ACBD6: variants seen among roughly 807,000 people sequenced by gnomAD.
ACBD6 encodes acyl-CoA-binding domain-containing protein 6.
In ACBD6, 28 loss-of-function variants were observed where a neutral mutation model predicts 37.2. The ratio of observed to expected loss-of-function variants is 0.75; its 90% CI spans 0.56 to 1.03. The LOEUF is 1.03. ACBD6 is among the 50% of genes least tolerant of loss of function. The pLI is 0.00. For synonymous variants in ACBD6, 113 were observed against 126.8 expected (o/e 0.89, Z 0.73); for missense variants, 340 against 337.4 (o/e 1.01, Z -0.06).
intron 5 of ACBD6, among the ~76,000 whole-genome samples, chr1:180,410,783 A>G (rs141210923): frequency 3.2e-4 from 49 of 152,372 alleles, no homozygotes; most frequent in African/African-American, 1.1e-3. Context: ...CTAACACAAC[A>G]TTCATTTTGC....
intron 12 of ACBD6, chr1:180,273,190 G>C (rs1026499072): frequency 6.6e-6 from 1 of 152,416 alleles, no homozygotes; most frequent in African/African-American, 2.4e-5. Context: ...TTGTGGGACA[G>C]AGGATGGAAC....
intron 4 of ACBD6, among the ~76,000 whole-genome samples, chr1:180,428,784 A>AT (rs1648699954): frequency 6.6e-6 from 1 of 152,202 alleles, no homozygotes; most frequent in African/African-American, 2.4e-5. Flanking sequence ...AAGCTTAGTA[A>AT]TTTTTTTAAA....
intron 1 of ACBD6, among the ~76,000 whole-genome samples, chr1:180,500,398 T>C (rs964069359): frequency 3.3e-5 from 5 of 152,092 alleles, no homozygotes; most frequent in Admixed American, 6.6e-5. Flanking sequence ...TTAAGTCTCT[T>C]AAAGCAAATG....
At chr1:180,401,419 T>A (rs1473561251) in intron 5 of ACBD6, among the ~76,000 whole-genome samples, 1 of 152,116 alleles carries the variant, frequency 6.6e-6, no homozygotes, top group Non-Finnish European at 1.5e-5. Flanking sequence ...CCTTAGTAAC[T>A]CGTCCATAAA....
At chr1:180,423,323 T>C (rs1275256805) in intron 4 of ACBD6, among the ~76,000 whole-genome samples, 2 of 152,210 alleles carry the variant, frequency 1.3e-5, no homozygotes, top group African/African-American at 4.8e-5. Context: ...TGCATCACAG[T>C]GCCATATCTG....
intron 3 of ACBD6, among the ~76,000 whole-genome samples, chr1:180,476,816 C>G (rs1650814287): frequency 6.7e-6 from 1 of 149,820 alleles, no homozygotes; most frequent in Non-Finnish European, 1.5e-5. Flanking sequence ...CAGAGTGAGA[C>G]TCTGTCTCAA....
chr1:180,487,154 A>G (rs1651300527), intron 3 of ACBD6, among the ~76,000 whole-genome samples: 2 of 152,168 alleles, frequency 1.3e-5, no homozygotes, highest in Admixed American at 6.5e-5. Flanking sequence ...TATTAAGGAC[A>G]TTATCATTAT....
chr1:180,470,169 T>C (rs1296520463), intron 3 of ACBD6, among the ~76,000 whole-genome samples: 1 of 152,128 alleles, frequency 6.6e-6, no homozygotes, highest in African/African-American at 2.4e-5. Flanking sequence ...TTTCAATCAA[T>C]TGCCTAAGCT....
At chr1:180,354,812 C>A (rs1652560047) in intron 6 of ACBD6, among the ~76,000 whole-genome samples, 1 of 152,154 alleles carries the variant, frequency 6.6e-6, no homozygotes, top group Admixed American at 6.5e-5. Flanking sequence ...TTGTGTATGA[C>A]TGTGCAACTA....
intron 3 of ACBD6, among the ~76,000 whole-genome samples, chr1:180,433,939 G>A (rs1433329373): frequency 6.6e-6 from 1 of 152,042 alleles, no homozygotes; most frequent in Non-Finnish European, 1.5e-5. Flanking sequence ...GGAACACATG[G>A]AGGTTCCTGG....
intron 4 of ACBD6, among the ~76,000 whole-genome samples, chr1:180,422,275 G>A (rs943230380): frequency 3.3e-5 from 5 of 150,756 alleles, no homozygotes. Context: ...GCATGATTTC[G>A]GCTCACTGCA....
intron 6 of ACBD6, among the ~76,000 whole-genome samples, chr1:180,335,161 T>C (rs1237445573): frequency 1.3e-5 from 2 of 151,984 alleles, no homozygotes; most frequent in African/African-American, 2.4e-5. Flanking sequence ...ATACAGAGAA[T>C]GCCACAAAGA....
At chr1:180,457,099 T>C (rs751709885) in intron 3 of ACBD6, among the ~76,000 whole-genome samples, 11 of 152,100 alleles carry the variant, frequency 7.2e-5, no homozygotes, top group South Asian at 4.2e-4. Context: ...TACCCTTGGC[T>C]TCCTCTCCCC....
intron 3 of ACBD6, among the ~76,000 whole-genome samples, chr1:180,458,362 T>A (rs1004269653): frequency 2.6e-5 from 4 of 152,216 alleles, no homozygotes; most frequent in Non-Finnish European, 5.9e-5. Flanking sequence ...ACCTACTGTC[T>A]TAAACACTGA....
intron 6 of ACBD6, among the ~76,000 whole-genome samples, chr1:180,348,453 G>A (rs1270693193): frequency 6.6e-6 from 1 of 152,204 alleles, no homozygotes; most frequent in African/African-American, 2.4e-5. Context: ...AGGATCAGGA[G>A]AACTGAGGAA....
At chr1:180,285,658 A>G (rs563374461), downstream of ACBD6, among the ~76,000 whole-genome samples, 93 of 152,268 alleles carry the variant, frequency 6.1e-4, no homozygotes, top group Admixed American at 9.8e-4. Context: ...TGCTACAATC[A>G]CACACATTAT....
chr1:180,392,340 G>A (rs1056937723), intron 6 of ACBD6, among the ~76,000 whole-genome samples: 2 of 151,836 alleles, frequency 1.3e-5, no homozygotes, highest in African/African-American at 4.8e-5. Context: ...TTACCTCACT[G>A]AATTTATTTT....
chr1:180,356,850 CAAAAG>C (rs1459209737), intron 6 of ACBD6, among the ~76,000 whole-genome samples: 1 of 25,588 alleles, frequency 3.9e-5, no homozygotes. Context: ...GACCTTGTCT[CAAAAG>C]AAAAAAAAAA....
intron 7 of ACBD6, among the ~76,000 whole-genome samples, chr1:180,305,128 C>T (rs1315336479): frequency 6.6e-6 from 1 of 152,114 alleles, no homozygotes; most frequent in East Asian, 1.9e-4. Flanking sequence ...AAATGATAGA[C>T]CTAAAACCAT....
Sources: gnomAD v4.1 joint callset for allele counts (sites outside exome capture counted in the v4.1 genomes callset) on GRCh38, gnomAD v4.1.1 for gene constraint, MANE v1.5 for transcripts, NCBI Gene and HGNC (gene_info 2026-07-23, HGNC 2026-07-21) for gene names.